The following WWOX variants were observed in gnomAD, a reference collection of about 807,000 sequenced individuals.
WWOX encodes WW domain containing oxidoreductase, also known as WW domain-containing oxidoreductase.
Under a neutral mutation model 46.2 loss-of-function variants are expected in WWOX, and 69 were observed. The ratio of observed to expected loss-of-function variants is 1.49; its 90% CI spans 1.23 to 1.82. The LOEUF is 1.82. WWOX is among the 40% of genes most tolerant of loss of function. The pLI is 0.00. For missense variants in WWOX, 919 were observed against 542.6 expected (o/e 1.69, Z -6.89); for synonymous variants, 359 against 202.6 (o/e 1.77, Z -6.56).
chr16:78,583,986 C>T (rs1480912352), intron 8 of WWOX, among the ~76,000 whole-genome samples: 1 of 152,222 alleles, frequency 6.6e-6, no homozygotes. Flanking sequence ...AAGGAAAATG[C>T]TGTTGCAGAA....
At chr16:79,077,009 G>C (rs1485578006) in intron 8 of WWOX, among the ~76,000 whole-genome samples, 1 of 152,116 alleles carries the variant, frequency 6.6e-6, no homozygotes, top group African/African-American at 2.4e-5. Flanking sequence ...TGAAATGACT[G>C]TTTTTATAGG....
chr16:78,947,390 A>G (rs2045970556), intron 8 of WWOX, among the ~76,000 whole-genome samples: 1 of 152,114 alleles, frequency 6.6e-6, no homozygotes, highest in Non-Finnish European at 1.5e-5. Context: ...CCTTAGCTGT[A>G]TCCCTGCATT....
At chr16:78,188,501 A>G (rs1047189664) in intron 5 of WWOX, among the ~76,000 whole-genome samples, 2 of 151,942 alleles carry the variant, frequency 1.3e-5, no homozygotes, top group Non-Finnish European at 2.9e-5. Flanking sequence ...AAAAAAAAAA[A>G]AAAATAGTAG....
chr16:78,866,589 G>A (rs760005974), intron 8 of WWOX, among the ~76,000 whole-genome samples: 2 of 152,156 alleles, frequency 1.3e-5, no homozygotes, highest in African/African-American at 2.4e-5. Context: ...TCACTTAAGT[G>A]TTCAGGGCCA....
chr16:78,204,366 A>G (rs1418211524), intron 5 of WWOX, among the ~76,000 whole-genome samples: 1 of 152,200 alleles, frequency 6.6e-6, no homozygotes, highest in Non-Finnish European at 1.5e-5. Flanking sequence ...CATATGAAGA[A>G]TGGGGTATCC....
intron 8 of WWOX, among the ~76,000 whole-genome samples, chr16:78,810,607 A>G (rs1056780712): frequency 6.6e-6 from 1 of 152,252 alleles, no homozygotes; most frequent in Non-Finnish European, 1.5e-5. Context: ...GCAGTGCTGG[A>G]GTATTTTACC....
rs75930849 is a variant in WWOX, at chr16:79,106,954, C to T, written c.1057-104654C>T. On this transcript the variant is annotated intron_variant, in intron 8 of 8. Transcript: ENST00000566780. ...TCTCGAGTAGCTGGGATTCTGGGTG[C>T]CCCCCGCAACCATGTCCCACGAATT... Among the ~76,000 whole-genome samples, 533 of 151,058 alleles carry T rather than the reference C, an allele frequency of 3.5e-3. 4 individuals are homozygous for T. The highest frequency in any genetic ancestry group is 0.012 in the African/African-American group (501 of 41,370).
chr16:78,124,505 G>A (rs1318777164), intron 4 of WWOX, among the ~76,000 whole-genome samples: 5 of 152,134 alleles, frequency 3.3e-5, no homozygotes, highest in African/African-American at 7.2e-5. Flanking sequence ...GGGTCACTAG[G>A]AGGCCTTCTT....
chr16:78,846,272 G>A (rs537336076), intron 8 of WWOX, among the ~76,000 whole-genome samples: 2 of 152,166 alleles, frequency 1.3e-5, no homozygotes, highest in Non-Finnish European at 1.5e-5. Context: ...AGTTAACCTT[G>A]TTATGATGCT....
intron 5 of WWOX, among the ~76,000 whole-genome samples, chr16:78,253,921 A>G (rs2038051837): frequency 6.6e-6 from 1 of 152,140 alleles, no homozygotes; most frequent in Admixed American, 6.5e-5. Context: ...GTACAACTCA[A>G]CAGGCATTTC....
At chr16:78,943,798 C>T (rs889488345) in intron 8 of WWOX, among the ~76,000 whole-genome samples, 3 of 152,122 alleles carry the variant, frequency 2.0e-5, no homozygotes, top group Admixed American at 6.5e-5. Context: ...AAATCTTTCC[C>T]ACCGCACATC....
Position 79,212,093 on chromosome 16 carries a change from C to G in WWOX, c.*297C>G. 1 of 1,536,140 alleles carries G rather than the reference C, an allele frequency of 6.5e-7. No homozygotes were observed. Among genetic ancestry groups the G allele is most frequent in the Non-Finnish European group, 8.7e-7 (1 of 1,146,862 alleles). On this transcript the variant is annotated 3_prime_UTR_variant, in exon 9 of 9. Transcript: ENST00000566780. The stretch of plus-strand genomic sequence containing the variant: ...TAGGTTCCGTATCTCCCTGGAGAAG[C>G]ACCAGCAATTCTCTTTCTTTTACTG...
At chr16:78,558,530 T>C (rs181090803) in intron 8 of WWOX, among the ~76,000 whole-genome samples, 14 of 152,342 alleles carry the variant, frequency 9.2e-5, no homozygotes, top group Admixed American at 9.1e-4. Flanking sequence ...ATGTGCCCTG[T>C]GGTTTGCCAT....
At chr16:79,116,329 C>G (rs1477227011) in intron 8 of WWOX, among the ~76,000 whole-genome samples, 1 of 152,202 alleles carries the variant, frequency 6.6e-6, no homozygotes, top group Non-Finnish European at 1.5e-5. Context: ...CGTTTGACAT[C>G]ATTTTACTCA....
intron 8 of WWOX, among the ~76,000 whole-genome samples, chr16:78,584,547 G>C (rs1195893302): frequency 6.6e-6 from 1 of 152,216 alleles, no homozygotes; most frequent in Non-Finnish European, 1.5e-5. Flanking sequence ...TAAGTGAACT[G>C]AGGTGTTATT....
chr16:79,172,396 C>G (rs1160483337), intron 8 of WWOX, among the ~76,000 whole-genome samples: 2 of 152,168 alleles, frequency 1.3e-5, no homozygotes, highest in Non-Finnish European at 2.9e-5. Flanking sequence ...GTATCTGAGT[C>G]ACTTCAATGC....
intron 8 of WWOX, among the ~76,000 whole-genome samples, chr16:78,725,794 T>C (rs1273067818): frequency 1.3e-5 from 2 of 152,094 alleles, no homozygotes; most frequent in African/African-American, 4.8e-5. Context: ...CATGCCTTTG[T>C]CTTAGCTTTT....
chr16:79,041,810 C>G (rs1287173314), intron 8 of WWOX, among the ~76,000 whole-genome samples: 1 of 152,116 alleles, frequency 6.6e-6, no homozygotes, highest in African/African-American at 2.4e-5. Flanking sequence ...AGCTTCCTGG[C>G]AAAATTCAGA....
intron 6 of WWOX, among the ~76,000 whole-genome samples, chr16:78,419,791 T>A (rs557878392): frequency 2.6e-5 from 4 of 151,870 alleles, no homozygotes; most frequent in African/African-American, 9.7e-5. Flanking sequence ...AAAAAAGATA[T>A]CCAGAATGAT....
Sources: allele counts gnomAD v4.1 joint callset (sites outside exome capture counted in the v4.1 genomes callset), GRCh38; gene constraint gnomAD v4.1.1; transcripts MANE v1.5; gene names NCBI Gene and HGNC (gene_info 2026-07-23, HGNC 2026-07-21).